CPSF7: variants seen among roughly 807,000 people sequenced by gnomAD.
The protein encoded by CPSF7 is cleavage and polyadenylation specificity factor subunit 7.
Under a neutral mutation model 44.3 loss-of-function variants are expected in CPSF7, and 1 was observed. That is an observed-to-expected ratio of 0.02 (90% CI 0.01 to 0.11). The LOEUF is 0.11. Among genes scored for constraint, CPSF7 ranks in the 10% least tolerant of loss-of-function variants. The probability of loss-of-function intolerance (pLI) is 1.00; values close to 1 mark genes in which losing one functional copy is unlikely to be tolerated. For synonymous variants in CPSF7, 202 were observed against 222.0 expected (o/e 0.91, Z 0.80); for missense variants, 443 against 607.2 (o/e 0.73, Z 2.84).
At position 61,406,570 on chromosome 11, in the gene CPSF7, AC is replaced by A. The variant is rs1169236982; in HGVS notation, c.*6-1867del. Among the ~76,000 whole-genome samples, 3 of 152,314 alleles carry A rather than the reference AC, an allele frequency of 2.0e-5. No individual in the cohort carries two copies. The East Asian group carries it at 5.8e-4, about 29-fold the overall frequency. ...CAATAACCACTATATCAAACGGGTG[AC>A]CAGGAAAAGTGAGGAAGTAGAAAAC... On this transcript the variant is annotated intron_variant, in intron 9 of 9. Transcript: ENST00000439958.
chr11:61,428,354 T>G (rs1357289317), intron 2 of CPSF7, among the ~76,000 whole-genome samples: 3 of 152,162 alleles, frequency 2.0e-5, no homozygotes, highest in South Asian at 2.1e-4. Flanking sequence ...CGTTGTTGTT[T>G]TTTTTTACAT....
At chr11:61,422,784 T>C (rs1478605368) in intron 2 of CPSF7, among the ~76,000 whole-genome samples, 17 of 152,166 alleles carry the variant, frequency 1.1e-4, no homozygotes. Context: ...ACTTACTATA[T>C]ACCAAAACCC....
At chr11:61,429,808 C>A (rs958578252) in intron 1 of CPSF7, 106 bp downstream of exon 1, 1 of 1,548,610 alleles carries the variant, frequency 6.5e-7, no homozygotes, top group Non-Finnish European at 8.7e-7. Context: ...ACTCCCTCCG[C>A]CCGCAGACTC....
Position 61,416,269 on chromosome 11 carries a change from C to T in CPSF7, c.774G>A (p.Met258Ile). The change falls in exon 6 of 10, where the codon ATG becomes ATA. Residue 258 changes from methionine to isoleucine, a missense_variant. Transcript: ENST00000439958. ...PPPGIHYQHL[M>I]PPPPRLPPHL... is the part of the protein sequence containing the mutation. ...GAGGAGGTAATCGAGGAGGTGGGGG[C>T]ATGAGATGCTGGTAGTGGATACCAG... 1 of 1,532,210 alleles carries T rather than the reference C, an allele frequency of 6.5e-7. No individual in the cohort carries two copies. The highest frequency in any genetic ancestry group is 8.8e-7 in the Non-Finnish European group (1 of 1,141,638). The allele number at this position is 1,532,210 out of a possible 1,614,324, so 94.9% of individuals were successfully genotyped here. A position where few individuals can be genotyped will look rare whatever the true frequency, so the allele number is the denominator to read the frequency against.
chr11:61,406,574 G>A (rs895874425), intron 9 of CPSF7, among the ~76,000 whole-genome samples: 1 of 152,120 alleles, frequency 6.6e-6, no homozygotes, highest in Non-Finnish European at 1.5e-5. Flanking sequence ...CGGGTGACCA[G>A]GAAAAGTGAG....
intron 8 of CPSF7, 89 bp from the exon 9 acceptor site, chr11:61,411,194 A>T: frequency 1.5e-6 from 2 of 1,335,118 alleles, no homozygotes; most frequent in Non-Finnish European, 2.0e-6. Context: ...ATATTTGCCT[A>T]AACTATTCCT....
At chr11:61,429,392 T>C (rs1395826178) in intron 1 of CPSF7, 102 bp from the exon 2 acceptor site, 5 of 713,482 alleles carry the variant, frequency 7.0e-6, no homozygotes, top group Admixed American at 4.3e-5. Flanking sequence ...CGCAGCATCC[T>C]GGCGGCCCCA....
chr11:61,417,853 C>T (rs908381300), intron 5 of CPSF7, among the ~76,000 whole-genome samples: 15 of 152,200 alleles, frequency 9.9e-5, no homozygotes, highest in African/African-American at 3.6e-4. Context: ...CAGAGGAAGT[C>T]CACCAGCTTT....
At chr11:61,424,376 A>C (rs1308843953) in intron 2 of CPSF7, among the ~76,000 whole-genome samples, 1 of 152,220 alleles carries the variant, frequency 6.6e-6, no homozygotes, top group African/African-American at 2.4e-5. Flanking sequence ...CCTGTGGTTC[A>C]AGGTAGAGAA....
intron 5 of CPSF7, 54 bp downstream of exon 5, chr11:61,419,895 C>T (rs769416570): frequency 1.3e-6 from 2 of 1,597,974 alleles, no homozygotes; most frequent in South Asian, 1.1e-5. Flanking sequence ...CAAACACCCC[C>T]CCCTCATACA....
chr11:61,422,607 T>C (rs1008540290), intron 2 of CPSF7, among the ~76,000 whole-genome samples: 2 of 152,082 alleles, frequency 1.3e-5, no homozygotes, highest in Admixed American at 1.3e-4. Flanking sequence ...GTGACTACCA[T>C]GCCCAGCCAA....
At chr11:61,419,433 T>C (rs922127079) in intron 5 of CPSF7, among the ~76,000 whole-genome samples, 4 of 152,252 alleles carry the variant, frequency 2.6e-5, no homozygotes, top group African/African-American at 9.6e-5. Flanking sequence ...TCAAGTCTTA[T>C]TCTCCAACAC....
chr11:61,409,962 T>A (rs1009927443), intron 9 of CPSF7, among the ~76,000 whole-genome samples: 5 of 151,726 alleles, frequency 3.3e-5, no homozygotes, highest in African/African-American at 1.2e-4. Context: ...AAAGTGAGGC[T>A]CTGTCTCAAA....
chr11:61,407,115 C>G (rs1859405526), intron 9 of CPSF7, among the ~76,000 whole-genome samples: 1 of 152,146 alleles, frequency 6.6e-6, no homozygotes, highest in Non-Finnish European at 1.5e-5. Flanking sequence ...CAGCTAAAGA[C>G]TCAGGTTGAG....
chr11:61,410,865 G>T, intron 9 of CPSF7, 73 bp downstream of exon 9: 1 of 1,430,852 alleles, frequency 7.0e-7, no homozygotes, highest in Non-Finnish European at 9.3e-7. Context: ...GCTTTAAAGA[G>T]AGAGAATTCT....
At chr11:61,417,358 T>G (rs1035083504) in intron 5 of CPSF7, among the ~76,000 whole-genome samples, 1 of 152,200 alleles carries the variant, frequency 6.6e-6, no homozygotes, top group Non-Finnish European at 1.5e-5. Context: ...AGAACATGTT[T>G]TAAACAGCTG....
intron 3 of CPSF7, chr11:61,420,959 A>G: frequency 1.4e-6 from 1 of 717,634 alleles, no homozygotes; most frequent in Non-Finnish European, 2.2e-6. Context: ...CCCCACCACC[A>G]GCCCCAAAAC....
chr11:61,423,105 CAAAAA>C (rs71471824), intron 2 of CPSF7, among the ~76,000 whole-genome samples: 6 of 52,344 alleles, frequency 1.1e-4, no homozygotes, highest in Non-Finnish European at 1.8e-4. Flanking sequence ...GACCCCATAT[CAAAAA>C]AAAAAAAAAA....
At chr11:61,423,130 A>AAAAT (rs1861042031) in intron 2 of CPSF7, among the ~76,000 whole-genome samples, 2 of 143,714 alleles carry the variant, frequency 1.4e-5, no homozygotes, top group African/African-American at 5.1e-5. Flanking sequence ...AAAAAAAAAA[A>AAAAT]GGGTTCAGGA....
Sources: allele counts gnomAD v4.1 joint callset (sites outside exome capture counted in the v4.1 genomes callset), GRCh38; gene constraint gnomAD v4.1.1; transcripts MANE v1.5; gene names NCBI Gene and HGNC (gene_info 2026-07-23, HGNC 2026-07-21).